The following DYM variants were observed in gnomAD, a reference collection of about 807,000 sequenced individuals.
DYM encodes the protein dyggve-Melchior-Clausen syndrome protein.
A neutral mutation model predicts 93.1 loss-of-function variants in DYM; 78 were observed. The ratio of observed to expected loss-of-function variants is 0.84; its 90% CI spans 0.70 to 1.01. The LOEUF (loss-of-function observed/expected upper bound fraction) is 1.01. Ranked by LOEUF, DYM falls within the 50% of genes least tolerant of loss-of-function variation. DYM has a pLI of 0.00. For missense variants in DYM, 789 were observed against 845.0 expected (o/e 0.93, Z 0.82); for synonymous variants, 321 against 319.7 (o/e 1.00, Z -0.04).
chr18:49,181,574 A>G lies in DYM; in HGVS notation c.1626-17787T>C, dbSNP rs996928921. The stretch of plus-strand genomic sequence containing the variant: ...CCAAATCCAAAAATTTGAAATCCAA[A>G]ATGCTCCAGTGAATGTTTCCTTTGA... On this transcript the variant is annotated intron_variant, in intron 14 of 17. Coordinates refer to ENST00000675505, the MANE Select transcript of DYM (RefSeq NM_001353214.3). Among the ~76,000 whole-genome samples the G allele has an allele frequency of 2.0e-5, 3 of 152,266 alleles. No individual in the cohort carries two copies. In the South Asian group the frequency reaches 6.2e-4, roughly 32 times the overall value.
intron 8 of DYM, among the ~76,000 whole-genome samples, chr18:49,304,720 C>T (rs957289569): frequency 3.3e-5 from 5 of 152,190 alleles, no homozygotes; most frequent in African/African-American, 1.2e-4. Flanking sequence ...ACGTTTCTTG[C>T]TCGAGTCATC....
chr18:49,195,955 G>A (rs10853577), intron 14 of DYM, among the ~76,000 whole-genome samples: 132,431 of 133,460 alleles, frequency 0.99, 65,712 homozygotes, highest in Middle Eastern at 1. Context: ...ACGGAGCCTC[G>A]CTCTGTTGCC....
At chr18:49,364,388 T>C (rs1280890302) in intron 5 of DYM, among the ~76,000 whole-genome samples, 2 of 151,342 alleles carry the variant, frequency 1.3e-5, no homozygotes, top group Non-Finnish European at 2.9e-5. Context: ...GAGGTTGCAG[T>C]GAACTGAGGT....
At chr18:49,082,651 G>T (rs2145220876) in intron 17 of DYM, among the ~76,000 whole-genome samples, 1 of 152,318 alleles carries the variant, frequency 6.6e-6, no homozygotes, top group East Asian at 1.9e-4. Flanking sequence ...TGGTAAAGAA[G>T]AACTTGGAGA....
intron 16 of DYM, among the ~76,000 whole-genome samples, chr18:49,107,024 C>T: frequency 6.6e-6 from 1 of 152,184 alleles, no homozygotes; most frequent in East Asian, 1.9e-4. Context: ...TCCATTCTCC[C>T]CGTCACTTTC....
At chr18:49,405,978 T>C (rs2071449709) in intron 2 of DYM, among the ~76,000 whole-genome samples, 1 of 152,308 alleles carries the variant, frequency 6.6e-6, no homozygotes, top group African/African-American at 2.4e-5. Flanking sequence ...TTTTCTTTTT[T>C]GTGAGGCTGT....
At chr18:49,392,754 G>C (rs2069431848) in intron 2 of DYM, among the ~76,000 whole-genome samples, 1 of 148,818 alleles carries the variant, frequency 6.7e-6, no homozygotes, top group Non-Finnish European at 1.5e-5. Flanking sequence ...CCAGCACTTT[G>C]GGAGGCTGAG....
At chr18:49,406,260 T>G (rs76824952) in intron 2 of DYM, among the ~76,000 whole-genome samples, 13,888 of 152,170 alleles carry the variant, frequency 0.091, 851 homozygotes, top group East Asian at 0.31. Flanking sequence ...TTTTTTAAAA[T>G]AAAATGGCTA....
At chr18:49,395,585 T>C (rs1448893605) in intron 2 of DYM, among the ~76,000 whole-genome samples, 1 of 151,220 alleles carries the variant, frequency 6.6e-6, no homozygotes, top group African/African-American at 2.4e-5. Flanking sequence ...GCCAAGATTG[T>C]GCCATTACAC....
At chr18:49,120,013 A>G (rs2082234117) in intron 15 of DYM, among the ~76,000 whole-genome samples, 1 of 140,988 alleles carries the variant, frequency 7.1e-6, no homozygotes, top group Admixed American at 7.3e-5. Context: ...TGAGAGGTGG[A>G]GGTTGCAGTG....
rs1165100820 is a variant in DYM, at chr18:49,076,839, C to T, written c.2025+20563G>A. ...GTTACAAGACTAGTTCTGGGCTGTG[C>T]GAGAAGGAATGTGGAGAAAGAATGC... On this transcript the variant is annotated intron_variant, in intron 17 of 17. Coordinates refer to ENST00000675505, the MANE Select transcript of DYM (RefSeq NM_001353214.3). Among the ~76,000 whole-genome samples the T allele has an allele frequency of 5.9e-5, 9 of 152,200 alleles. No homozygotes were observed. In the East Asian group the frequency reaches 9.6e-4, roughly 16 times the overall value.
chr18:49,190,051 T>C (rs1234412594), intron 14 of DYM, among the ~76,000 whole-genome samples: 1 of 152,228 alleles, frequency 6.6e-6, no homozygotes, highest in Non-Finnish European at 1.5e-5. Context: ...TATAGTGTTA[T>C]GCAAGACAAG....
At chr18:49,343,567 C>T (rs1599562416) in intron 6 of DYM, among the ~76,000 whole-genome samples, 1 of 152,112 alleles carries the variant, frequency 6.6e-6, no homozygotes, top group East Asian at 1.9e-4. Context: ...TGTCCTATCC[C>T]ACTCGCAACT....
chr18:49,264,988 C>G (rs948380473), intron 11 of DYM, among the ~76,000 whole-genome samples: 2 of 152,188 alleles, frequency 1.3e-5, no homozygotes, highest in African/African-American at 2.4e-5. Context: ...ACCGTTACCA[C>G]AGGTATGAGA....
intron 13 of DYM, among the ~76,000 whole-genome samples, chr18:49,248,858 T>C (rs1275470913): frequency 1.3e-5 from 2 of 152,212 alleles, no homozygotes; most frequent in South Asian, 4.1e-4. Flanking sequence ...ACATACCATG[T>C]ATTGTAATAC....
chr18:49,048,675 A>G (rs1038934316), intron 17 of DYM, among the ~76,000 whole-genome samples: 4 of 152,364 alleles, frequency 2.6e-5, no homozygotes, highest in Admixed American at 2.6e-4. Flanking sequence ...TACTAAGTTT[A>G]TGGGCTAGCA....
intron 6 of DYM, among the ~76,000 whole-genome samples, chr18:49,335,192 G>C (rs963475727): frequency 2.6e-5 from 4 of 152,148 alleles, no homozygotes; most frequent in African/African-American, 7.2e-5. Context: ...CACGCAATTA[G>C]CCTTATTACG....
chr18:49,257,009 C>G lies in DYM; in HGVS notation c.1460+1G>C. The G allele has an allele frequency of 6.2e-7, 1 of 1,610,696 alleles. No homozygotes were observed. The highest frequency in any genetic ancestry group is 8.5e-7 in the Non-Finnish European group (1 of 1,176,972). ...GTATTTCTTTTAAAGTTCATATTTA[C>G]CTGATGATCCTCTGGGCAGCATACT... On this transcript the variant is annotated splice_donor_variant, in intron 13 of 17. Transcript: ENST00000675505. LOFTEE classifies it high-confidence loss of function.
chr18:49,239,028 C>T (rs1325384199), intron 13 of DYM, among the ~76,000 whole-genome samples: 2 of 152,168 alleles, frequency 1.3e-5, no homozygotes, highest in Non-Finnish European at 2.9e-5. Flanking sequence ...TTTTCTCAGA[C>T]TAAAGACAAG....
Sources: allele counts gnomAD v4.1 joint callset (sites outside exome capture counted in the v4.1 genomes callset), GRCh38; gene constraint gnomAD v4.1.1; transcripts MANE v1.5; gene names NCBI Gene and HGNC (gene_info 2026-07-23, HGNC 2026-07-21).